The following DMGDH variants were observed in gnomAD, a reference collection of about 807,000 sequenced individuals.
The protein encoded by DMGDH is dimethylglycine dehydrogenase.
DMGDH carries 76 observed loss-of-function variants against 95.2 expected under a neutral mutation model. That is an observed-to-expected ratio of 0.80 (90% CI 0.66 to 0.97). The LOEUF (loss-of-function observed/expected upper bound fraction) is 0.97. Ranked by LOEUF, DMGDH falls within the 50% of genes least tolerant of loss-of-function variation. DMGDH has a pLI of 0.00. For synonymous variants in DMGDH, 345 were observed against 377.6 expected, an observed-to-expected ratio of 0.91 and a Z score of 1.00; for missense variants, 987 against 1,055.0, an observed-to-expected ratio of 0.94 and a Z score of 0.89.
chr5:79,056,335 A>AC (rs1391946280), intron 2 of DMGDH, among the ~76,000 whole-genome samples: 1 of 151,818 alleles, frequency 6.6e-6, no homozygotes, highest in African/African-American at 2.4e-5. Flanking sequence ...ACATGGTGAA[A>AC]CCCCGTCTCT....
rs546721641 is a variant in DMGDH at position 79,001,846 on chromosome 5, A to C, written c.2385+3427T>G. The stretch of plus-strand genomic sequence containing the variant: ...TTTAGAAGCCCAGGATATTTCAGAA[A>C]TCTGGCTTTTCCTTTTACCTTATTA... On this transcript the variant is annotated intron_variant, in intron 15 of 15. Coordinates refer to ENST00000255189, the MANE Select transcript of DMGDH (RefSeq NM_013391.3). Among the ~76,000 whole-genome samples the C allele has an allele frequency of 1.6e-4, 24 of 152,310 alleles. 1 individual carries two copies. The South Asian group carries it at 4.6e-3, about 29-fold the overall frequency.
intron 14 of DMGDH, among the ~76,000 whole-genome samples, chr5:79,019,886 A>G (rs1353015782): frequency 6.6e-6 from 1 of 152,130 alleles, no homozygotes; most frequent in Non-Finnish European, 1.5e-5. Flanking sequence ...CTCCGTCTCA[A>G]TAAAAATAGT....
At chr5:79,056,112 G>GT in intron 2 of DMGDH, among the ~76,000 whole-genome samples, 1 of 151,804 alleles carries the variant, frequency 6.6e-6, no homozygotes, top group East Asian at 1.9e-4. Context: ...TGTGAACTAT[G>GT]TGAGTAAAGT....
intron 15 of DMGDH, among the ~76,000 whole-genome samples, chr5:78,999,855 T>G (rs561158026): frequency 6.6e-6 from 1 of 152,182 alleles, no homozygotes; most frequent in African/African-American, 2.4e-5. Context: ...GGTTAGAATT[T>G]TAATCATTGC....
intron 5 of DMGDH, among the ~76,000 whole-genome samples, chr5:79,050,268 AAAAAAATATATATATATAT>A (rs1561226077): frequency 8.4e-5 from 5 of 59,294 alleles, no homozygotes; most frequent in African/African-American, 4.1e-4. Context: ...AAAAAAAAAA[AAAAAAATATATATATATAT>A]ATATATATAT....
intron 2 of DMGDH, among the ~76,000 whole-genome samples, chr5:79,062,024 C>T (rs1486043321): frequency 6.6e-6 from 1 of 152,136 alleles, no homozygotes; most frequent in East Asian, 1.9e-4. Context: ...AGTAACAATT[C>T]AGAAGTGGTG....
chr5:79,028,776 G>T, intron 11 of DMGDH, 126 bp from the exon 12 acceptor site: 1 of 1,038,538 alleles, frequency 9.6e-7, no homozygotes, highest in Non-Finnish European at 1.5e-6. Flanking sequence ...GTCATTTCAT[G>T]AAATCACACT....
At chr5:79,024,711 C>T (rs1284866880) in intron 13 of DMGDH, among the ~76,000 whole-genome samples, 1 of 152,198 alleles carries the variant, frequency 6.6e-6, no homozygotes, top group African/African-American at 2.4e-5. Flanking sequence ...TCTTACAATT[C>T]ACCAAGAATC....
chr5:79,049,065 C>G (rs56244202), intron 5 of DMGDH, among the ~76,000 whole-genome samples: 17,501 of 152,132 alleles, frequency 0.12, 1,198 homozygotes, highest in African/African-American at 0.18. Flanking sequence ...TGTCCTAATA[C>G]CAGGGACTTG....
intron 14 of DMGDH, among the ~76,000 whole-genome samples, chr5:79,011,922 T>G (rs1753653979): frequency 6.6e-6 from 1 of 152,154 alleles, no homozygotes; most frequent in Non-Finnish European, 1.5e-5. Context: ...ACATGAGATT[T>G]GGTGGGGAAA....
intron 14 of DMGDH, among the ~76,000 whole-genome samples, chr5:79,006,945 A>G (rs1753558951): frequency 6.6e-6 from 1 of 152,034 alleles, no homozygotes; most frequent in Non-Finnish European, 1.5e-5. Flanking sequence ...GCTGACCTAC[A>G]CAGGAAGTTA....
chr5:79,022,993 T>A (rs1753904656), intron 14 of DMGDH, among the ~76,000 whole-genome samples: 1 of 152,224 alleles, frequency 6.6e-6, no homozygotes, highest in African/African-American at 2.4e-5. Context: ...TTCTCTGGTC[T>A]GGAGGCAGAT....
chr5:79,004,649 G>C (rs955395925), intron 15 of DMGDH, among the ~76,000 whole-genome samples: 1 of 152,174 alleles, frequency 6.6e-6, no homozygotes, highest in African/African-American at 2.4e-5. Context: ...AATGCAGAAA[G>C]CTTGGGAGAA....
chr5:79,008,491 G>A (rs11951068), intron 14 of DMGDH, among the ~76,000 whole-genome samples: 28,665 of 152,038 alleles, frequency 0.19, 5,011 homozygotes, highest in African/African-American at 0.46. Flanking sequence ...TGTTCATTTC[G>A]CCTACTCTGA....
chr5:79,028,180 G>A (rs933683), intron 12 of DMGDH, among the ~76,000 whole-genome samples: 25 of 151,510 alleles, frequency 1.7e-4, no homozygotes, highest in African/African-American at 6.1e-4. Context: ...GGTAGGCAGC[G>A]ATGGGACTGG....
At chr5:79,068,110 G>A (rs1360853046) in intron 1 of DMGDH, among the ~76,000 whole-genome samples, 1 of 152,068 alleles carries the variant, frequency 6.6e-6, no homozygotes, top group Non-Finnish European at 1.5e-5. Flanking sequence ...TAGAGACAGA[G>A]TTTCACCATG....
intron 14 of DMGDH, among the ~76,000 whole-genome samples, chr5:79,011,737 A>G (rs1753650890): frequency 6.6e-6 from 1 of 152,128 alleles, no homozygotes; most frequent in Non-Finnish European, 1.5e-5. Flanking sequence ...GGAGCAAGAG[A>G]TAGAGTGCAG....
chr5:79,037,772 C>G (rs1442780970), intron 7 of DMGDH, among the ~76,000 whole-genome samples: 1 of 152,104 alleles, frequency 6.6e-6, no homozygotes, highest in East Asian at 1.9e-4. Context: ...TCAGAACATG[C>G]CTTACAGTCA....
intron 5 of DMGDH, among the ~76,000 whole-genome samples, chr5:79,048,709 T>G (rs1754750465): frequency 6.6e-6 from 1 of 152,120 alleles, no homozygotes. Context: ...TTGGGGAATC[T>G]TCTATCTTTT....
Sources: allele counts gnomAD v4.1 joint callset (sites outside exome capture counted in the v4.1 genomes callset), GRCh38; gene constraint gnomAD v4.1.1; transcripts MANE v1.5; gene names NCBI Gene and HGNC (gene_info 2026-07-23, HGNC 2026-07-21).